GAA: variants seen among roughly 807,000 people sequenced by gnomAD.
GAA encodes lysosomal alpha-glucosidase.
A neutral mutation model predicts 103.9 loss-of-function variants in GAA; 88 were observed. The ratio of observed to expected loss-of-function variants is 0.85; its 90% CI spans 0.71 to 1.01. The LOEUF is 1.01. Among genes scored for constraint, GAA ranks in the 50% least tolerant of loss-of-function variants. The probability of loss-of-function intolerance (pLI) is 0.00; values close to 1 mark genes in which losing one functional copy is unlikely to be tolerated. For synonymous variants in GAA, 572 were observed against 563.1 expected (o/e 1.02, Z -0.22); for missense variants, 1,350 against 1,305.3 (o/e 1.03, Z -0.53).
intron 15 of GAA, 122 bp downstream of exon 15, chr17:80,113,488 G>A: frequency 1.1e-6 from 1 of 940,398 alleles, no homozygotes; most frequent in Non-Finnish European, 1.5e-6. Flanking sequence ...GCCGCTGAGT[G>A]AGACAACATT....
rs765754444 is a variant in GAA, at chr17:80,108,472, T to G, written c.1076-17T>G. The G allele has an allele frequency of 1.2e-6, 2 of 1,613,118 alleles. No homozygotes were observed. The highest frequency in any genetic ancestry group is 1.7e-5 in the Admixed American group (1 of 60,020). The stretch of plus-strand genomic sequence containing the variant: ...GCTCCCTCCTCCCTCCCTCATGAAG[T>G]CGGCGTTGGCCTGCAGGATACCCGT... On this transcript the variant is annotated splice_polypyrimidine_tract_variant and intron_variant, in intron 6 of 19. Coordinates refer to ENST00000302262, the MANE Select transcript of GAA (RefSeq NM_000152.5).
At chr17:80,112,787 A>G in intron 13 of GAA, 76 bp downstream of exon 13, 1 of 1,575,366 alleles carries the variant, frequency 6.3e-7, no homozygotes, top group Non-Finnish European at 8.6e-7. Context: ...GGGGCCCCCC[A>G]CCCACTTAGC....
chr17:80,108,894 G>A, intron 8 of GAA, 66 bp downstream of exon 8: 1 of 1,522,078 alleles, frequency 6.6e-7, no homozygotes, highest in Non-Finnish European at 8.9e-7. Context: ...CTCCTTCTCT[G>A]TGCAGCGTCA....
In GAA at chr17:80,110,717, CGTT is replaced by C. The variant is rs764583466; in HGVS notation, c.1438-7_1438-5del. On this transcript the variant is annotated splice_polypyrimidine_tract_variant and splice_region_variant and intron_variant, in intron 9 of 19. Transcript: ENST00000302262. Reference sequence around the variant, plus strand: ...GCCGGGTCTCCCCACTGCAGCCTCTCGTTGTCCAGGTATGGCCCGGGTCCACTG... The same window carrying C: ...GCCGGGTCTCCCCACTGCAGCCTCTCGTCCAGGTATGGCCCGGGTCCACTG... 22 of 1,612,714 alleles carry C rather than the reference CGTT, an allele frequency of 1.4e-5. No homozygotes were observed. The Admixed American group carries it at 1.5e-4, about 11-fold the overall frequency.
chr17:80,111,941 C>G, intron 11 of GAA, 42 bp from the exon 12 acceptor site: 1 of 1,561,874 alleles, frequency 6.4e-7, no homozygotes, highest in African/African-American at 1.3e-5. Context: ...TTGGAGCCTG[C>G]CGGGAGGAAG....
In GAA at chr17:80,107,719, C is replaced by T; in HGVS notation, c.855C>T (p.Pro285=). The change falls in exon 4 of 20, where the codon CCC becomes CCT. Residue 285 remains proline, a synonymous_variant. Coordinates refer to ENST00000302262, the MANE Select transcript of GAA (RefSeq NM_000152.5). The part of the protein sequence containing the change: ...RITLWNRDLA[P]TPGANLYGSH... ...CCCTGTGGAACCGGGACCTTGCGCCCACGGTACAGCGGCGGGCGGCGGGCG... is the reference window on the plus strand; with the variant it reads ...CCCTGTGGAACCGGGACCTTGCGCCTACGGTACAGCGGCGGGCGGCGGGCG... 1 of 1,593,880 alleles carries T rather than the reference C, an allele frequency of 6.3e-7. No homozygotes were observed. Among genetic ancestry groups the T allele is most frequent in the Non-Finnish European group, 8.5e-7 (1 of 1,171,842 alleles).
At chr17:80,114,830 T>A (rs2039327871) in intron 15 of GAA, among the ~76,000 whole-genome samples, 1 of 152,248 alleles carries the variant, frequency 6.6e-6, no homozygotes, top group Non-Finnish European at 1.5e-5. Context: ...GTTCTGCTAG[T>A]GATGAATTCT....
At chr17:80,101,921 C>G (rs922063539) in intron 1 of GAA, 31 bp downstream of exon 1, 1 of 152,248 alleles carries the variant, frequency 6.6e-6, no homozygotes, top group Non-Finnish European at 1.5e-5. Flanking sequence ...CCCGCGCTGC[C>G]GGCGGTAACA....
intron 14 of GAA, 58 bp downstream of exon 14, chr17:80,113,085 C>A: frequency 6.4e-7 from 1 of 1,565,340 alleles, no homozygotes. Context: ...AGACTCTCCC[C>A]TGGGAATCCC....
In GAA at chr17:80,119,269, C is replaced by G. The variant is rs2039429461; in HGVS notation, c.2800-3C>G. 1 of 1,613,938 alleles carries G rather than the reference C, an allele frequency of 6.2e-7. No homozygotes were observed. On this transcript the variant is annotated splice_region_variant and splice_polypyrimidine_tract_variant and intron_variant, in intron 19 of 19. Transcript: ENST00000302262. ...TGCTCCATTTGTGCTCTCTCTTTTC[C>G]AGGTCCTGGACATCTGTGTCTCGCT...
intron 11 of GAA, 148 bp from the exon 12 acceptor site, chr17:80,111,835 G>A (rs1031355844): frequency 3.0e-6 from 2 of 657,260 alleles, no homozygotes; most frequent in African/African-American, 3.6e-5. Flanking sequence ...CCCCACAGAG[G>A]CGTGGGGAGC....
At chr17:80,114,623 T>G (rs2039323094) in intron 15 of GAA, among the ~76,000 whole-genome samples, 1 of 150,594 alleles carries the variant, frequency 6.6e-6, no homozygotes, top group African/African-American at 2.5e-5. Context: ...AATGACCGCC[T>G]TATTCAATTA....
chr17:80,105,671 C>A, intron 2 of GAA, 78 bp from the exon 3 acceptor site: 1 of 1,552,614 alleles, frequency 6.4e-7, no homozygotes, highest in Non-Finnish European at 8.8e-7. Context: ...CAGGACCTGA[C>A]CTGTCCTTGG....
In GAA at chr17:80,113,299, C is replaced by A. The variant is rs149916476; in HGVS notation, c.2122C>A (p.His708Asn). The A allele has an allele frequency of 2.5e-6, 4 of 1,598,634 alleles. No individual in the cohort carries two copies. The South Asian group carries it at 4.5e-5, about 18-fold the overall frequency. Reference protein sequence around the residue: ...ALTLRYALLPHLYTLFHQAHV... With the variant: ...ALTLRYALLPNLYTLFHQAHV... ...CACCCTGCGCTACGCACTCCTCCCC[C>A]ACCTCTACACACTGTTCCACCAGGC... The change falls in exon 15 of 20, where the codon CAC (histidine) becomes AAC (asparagine). Residue 708 changes from histidine (H) to asparagine (N), a missense_variant. Coordinates refer to ENST00000302262, the MANE Select transcript of GAA (RefSeq NM_000152.5).
chr17:80,103,584 GGTC>G (rs1278477398), intron 1 of GAA, among the ~76,000 whole-genome samples: 2 of 152,154 alleles, frequency 1.3e-5, no homozygotes, highest in African/African-American at 2.4e-5. Flanking sequence ...GCGAAACAAA[GGTC>G]GTTGGTACTT....
rs780799275 is a variant in GAA, at chr17:80,105,812, G to A, written c.610G>A (p.Ala204Thr). The change falls in exon 3 of 20, where the codon GCA becomes ACA. Residue 204 changes from alanine (A) to threonine (T), a missense_variant. By Grantham distance (58) the Ala-to-Thr change is moderately conservative. Transcript: ENST00000302262. The part of the protein sequence containing the change: ...PLETPHVHSR[A>T]PSPLYSVEFS... ...GGAGACCCCGCATGTCCACAGCCGG[G>A]CACCGTCCCCACTCTACAGCGTGGA... 5.1e-5 allele frequency: 82 copies of A among 1,610,816 alleles called. 2 individuals carry two copies. In the South Asian group the frequency reaches 8.6e-4, roughly 17 times the overall value.
intron 1 of GAA, chr17:80,102,597 AAC>A (rs2038980796): frequency 1.3e-5 from 2 of 152,236 alleles, no homozygotes; most frequent in Non-Finnish European, 2.9e-5. Context: ...CGGGTTGTGG[AAC>A]ACACCAAGGC....
Position 80,107,581 on chromosome 17 carries a change from G to A in GAA, c.717G>A (p.Leu239=). ...RVLLNTTVAP[L]FFADQFLQLS... is the part of the protein sequence containing the mutation. ...GGCTGAACACGACGGTGGCGCCCCT[G>A]TTCTTTGCGGACCAGTTCCTTCAGC... Residue 239 remains leucine, a synonymous_variant, in exon 4 of 20, where the codon CTG becomes CTA. Coordinates refer to ENST00000302262, the MANE Select transcript of GAA (RefSeq NM_000152.5). The A allele has an allele frequency of 6.2e-7, 1 of 1,613,138 alleles. No homozygotes were observed. Among genetic ancestry groups the A allele is most frequent in the Non-Finnish European group, 8.5e-7 (1 of 1,179,894 alleles).
At chr17:80,112,503 C>T (rs968061821) in intron 12 of GAA, 75 bp from the exon 13 acceptor site, 2 of 1,582,174 alleles carry the variant, frequency 1.3e-6, no homozygotes, top group African/African-American at 2.7e-5. Context: ...TTGCTCCCAG[C>T]TCTGCCCTGC....
Sources: gnomAD v4.1 joint callset for allele counts (sites outside exome capture counted in the v4.1 genomes callset) on GRCh38, gnomAD v4.1.1 for gene constraint, MANE v1.5 for transcripts, NCBI Gene and HGNC (gene_info 2026-07-23, HGNC 2026-07-21) for gene names.